Variants in RACGAP1 observed in about 807,000 individuals in gnomAD.
RACGAP1 encodes rac GTPase-activating protein 1.
A neutral mutation model predicts 78.1 loss-of-function variants in RACGAP1; 30 were observed. That is an observed-to-expected ratio of 0.38 (90% CI 0.29 to 0.52). The LOEUF is 0.52. RACGAP1 is among the 20% of genes least tolerant of loss of function. The probability of loss-of-function intolerance (pLI) is 0.82; values close to 1 mark genes in which losing one functional copy is unlikely to be tolerated. For missense variants in RACGAP1, 587 were observed against 777.1 expected (o/e 0.76, Z 2.91); for synonymous variants, 231 against 264.8 (o/e 0.87, Z 1.24).
At position 49,989,260 on chromosome 12, in the gene RACGAP1, A is replaced by G. The variant is rs565357508; in HGVS notation, c.*1008T>C. 1.3e-5 allele frequency: 2 copies of G among 152,364 alleles called. No homozygotes were observed. The highest frequency in any genetic ancestry group is 3.8e-4 in the East Asian group (2 of 5,196). 9.4% of individuals were successfully genotyped at this position (152,364 alleles called of 1,614,324 possible). A position where few individuals can be genotyped will look rare whatever the true frequency, so the allele number is the denominator to read the frequency against. On this transcript the variant is annotated 3_prime_UTR_variant, in exon 17 of 17. Transcript: ENST00000312377. The stretch of plus-strand genomic sequence containing the variant: ...ACGAAGTCAAACATTCTACAGAAGA[A>G]AATCGTTTTTACAGACATTAAGAAT...
intron 2 of RACGAP1, among the ~76,000 whole-genome samples, chr12:50,013,058 T>C (rs1592202812): frequency 7.4e-6 from 1 of 135,750 alleles, no homozygotes; most frequent in Admixed American, 8.0e-5. Context: ...AGTGAAACTC[T>C]TGTTTCAAAA....
intron 1 of RACGAP1, among the ~76,000 whole-genome samples, chr12:50,018,157 C>A (rs1310668112): frequency 0.017 from 2,051 of 120,962 alleles, no homozygotes; most frequent in Non-Finnish European, 0.02. Context: ...GACTCTGTCT[C>A]AAAAAAAAAA....
chr12:50,011,902 C>T (rs531826716), intron 2 of RACGAP1, among the ~76,000 whole-genome samples: 108 of 142,632 alleles, frequency 7.6e-4, no homozygotes, highest in Non-Finnish European at 1.3e-3. Flanking sequence ...GGCAGTGAGC[C>T]GAGATCGTGC....
upstream of RACGAP1, among the ~76,000 whole-genome samples, chr12:50,029,379 C>T (rs190473308): frequency 4.2e-3 from 631 of 150,760 alleles, 4 homozygotes; most frequent in African/African-American, 0.015. Flanking sequence ...AGCAAGACTC[C>T]ATCTCAAAAA....
chr12:50,016,580 C>A, intron 2 of RACGAP1, 51 bp downstream of exon 2: 1 of 1,559,406 alleles, frequency 6.4e-7, no homozygotes, highest in Non-Finnish European at 8.8e-7. Flanking sequence ...GTAAAAATCC[C>A]AAATTTGAAA....
chr12:49,991,457 T>TATATATATATATATATATATATA (rs1555169076), intron 15 of RACGAP1, among the ~76,000 whole-genome samples: 3 of 27,402 alleles, frequency 1.1e-4, no homozygotes, highest in Non-Finnish European at 2.6e-4. Flanking sequence ...ATTTAAACTA[T>TATATATATATATATATATATATA]TATATATATA....
rs1374298310 is a variant in RACGAP1, at chr12:50,016,479, C to T, written c.85+152G>A. ...TTAGTGACCATTTAGAATGAGTGCC[C>T]ATTAGGCTTTGACCACGTAAGTGAT... On this transcript the variant is annotated intron_variant, in intron 2 of 16. Coordinates refer to ENST00000312377, the MANE Select transcript of RACGAP1 (RefSeq NM_001319999.2). 5.3e-6 allele frequency: 4 copies of T among 748,026 alleles called. No homozygotes were observed. In the African/African-American group the frequency reaches 6.9e-5, roughly 13 times the overall value. The allele number at this position is 748,026 out of a possible 1,614,324, so 46.3% of individuals were successfully genotyped here.
intron 2 of RACGAP1, among the ~76,000 whole-genome samples, chr12:50,009,421 G>T (rs971354988): frequency 6.6e-6 from 1 of 151,932 alleles, no homozygotes; most frequent in Admixed American, 6.6e-5. Flanking sequence ...ATCAGGATTT[G>T]GTTCATAGCT....
At position 49,992,350 on chromosome 12, in the gene RACGAP1, C is replaced by T. The variant is rs1947950544; in HGVS notation, c.1473G>A (p.Met491Ile). The T allele has an allele frequency of 6.2e-7, 1 of 1,614,058 alleles. No individual in the cohort carries two copies. Among genetic ancestry groups the T allele is most frequent in the African/African-American group, 1.3e-5 (1 of 74,928 alleles). ...AGACTTTAGCCAGATTGGCAACATC[C>T]ATTTTAGTATGTGGACTCTGAGCCA... ...QRVAQSPHTK[M>I]DVANLAKVFG... Residue 491 changes from methionine to isoleucine, a missense_variant, in exon 14 of 17, where the codon ATG (methionine) becomes ATA (isoleucine). Met to Ile is a conservative substitution (Grantham distance 10). Coordinates refer to ENST00000312377, the MANE Select transcript of RACGAP1 (RefSeq NM_001319999.2).
upstream of RACGAP1, among the ~76,000 whole-genome samples, chr12:50,026,070 T>G: frequency 6.6e-6 from 1 of 152,208 alleles, no homozygotes; most frequent in East Asian, 1.9e-4. Context: ...GAAAATAAAA[T>G]ACTATAATTC....
At position 49,999,686 on chromosome 12, in the gene RACGAP1, A is replaced by G. The variant is rs1948531885; in HGVS notation, c.678T>C (p.Asp226=). 6.2e-7 allele frequency: 1 copy of G among 1,614,222 alleles called. No homozygotes were observed. The highest frequency in any genetic ancestry group is 8.5e-7 in the Non-Finnish European group (1 of 1,180,040). Residue 226 remains aspartate, a synonymous_variant, in exon 8 of 17, where the codon GAT becomes GAC. Coordinates refer to ENST00000312377, the MANE Select transcript of RACGAP1 (RefSeq NM_001319999.2). Reference sequence around the variant, plus strand: ...TGGACACAGCTTCGATGGGCCCGCCATCATTGGGAACAGTCACTGTAGTTT... The same window carrying G: ...TGGACACAGCTTCGATGGGCCCGCCGTCATTGGGAACAGTCACTGTAGTTT... ...VAKTTVTVPN[D]GGPIEAVSTI...
chr12:50,000,669 T>C (rs1948618093), intron 7 of RACGAP1, among the ~76,000 whole-genome samples: 1 of 152,178 alleles, frequency 6.6e-6, no homozygotes, highest in Admixed American at 6.5e-5. Context: ...GGGGTATATA[T>C]TCAAGCAACT....
intron 1 of RACGAP1, among the ~76,000 whole-genome samples, chr12:50,023,900 G>A (rs915290715): frequency 1.3e-5 from 2 of 151,890 alleles, no homozygotes; most frequent in Non-Finnish European, 2.9e-5. Context: ...GGTGGCTCAT[G>A]CCTGTAATCC....
intron 3 of RACGAP1, 101 bp downstream of exon 3, chr12:50,006,333 T>C (rs1435433406): frequency 2.3e-6 from 3 of 1,291,698 alleles, no homozygotes; most frequent in East Asian, 2.3e-5. Context: ...AGTTCTTTAA[T>C]GTGGAAGAAG....
At chr12:50,011,799 C>A (rs564548964) in intron 2 of RACGAP1, among the ~76,000 whole-genome samples, 79 of 151,552 alleles carry the variant, frequency 5.2e-4, no homozygotes, top group African/African-American at 1.8e-3. Context: ...ACTAAAAATA[C>A]AAAAATTAGC....
chr12:50,005,510 C>G, intron 3 of RACGAP1, 118 bp from the exon 4 acceptor site: 6 of 1,157,102 alleles, frequency 5.2e-6, no homozygotes, highest in Non-Finnish European at 7.3e-6. Flanking sequence ...AATGGACCTT[C>G]AGGAAGGCTG....
chr12:50,007,439 A>C (rs755181393), intron 2 of RACGAP1, among the ~76,000 whole-genome samples: 3 of 152,196 alleles, frequency 2.0e-5, no homozygotes, highest in Non-Finnish European at 4.4e-5. Flanking sequence ...TATTTGCAAA[A>C]GTGCCTTACA....
chr12:49,997,014 A>G, intron 10 of RACGAP1, 26 bp downstream of exon 10: 1 of 1,445,020 alleles, frequency 6.9e-7, no homozygotes, highest in South Asian at 1.5e-5. Context: ...AGGCCATAAA[A>G]CAATGACGGC....
chr12:49,993,746 TAA>T (rs34663027), intron 12 of RACGAP1, among the ~76,000 whole-genome samples: 1 of 130,606 alleles, frequency 7.7e-6, no homozygotes, highest in Non-Finnish European at 1.6e-5. Context: ...GACTCCGTCT[TAA>T]AAAAAAAAAA....
Sources: allele counts gnomAD v4.1 joint callset (sites outside exome capture counted in the v4.1 genomes callset), GRCh38; gene constraint gnomAD v4.1.1; transcripts MANE v1.5; gene names NCBI Gene and HGNC (gene_info 2026-07-23, HGNC 2026-07-21).